Variants in CDIN1 observed in about 807,000 individuals in gnomAD.
The protein encoded by CDIN1 is CDAN1-interacting nuclease 1.
Under a neutral mutation model 45.3 loss-of-function variants are expected in CDIN1, and 33 were observed. The ratio of observed to expected loss-of-function variants is 0.73; its 90% confidence interval spans 0.55 to 0.97. The LOEUF (loss-of-function observed/expected upper bound fraction) is 0.97, where lower values mean the gene tolerates loss of function less well. Among genes scored for constraint, CDIN1 ranks in the 50% least tolerant of loss-of-function variants. The pLI is 0.00. For synonymous variants in CDIN1, 118 were observed against 124.4 expected (o/e 0.95, Z 0.34); for missense variants, 303 against 339.4 (o/e 0.89, Z 0.84).
chr15:36,579,716 G>C lies in CDIN1; in HGVS notation c.-145G>C, dbSNP rs2036946807. The C allele has an allele frequency of 1.6e-6, 1 of 631,786 alleles. No individual in the cohort carries two copies. The highest frequency in any genetic ancestry group is 1.8e-5 in the African/African-American group (1 of 54,422). 39.1% of individuals were successfully genotyped at this position (631,786 alleles called of 1,614,324 possible). Reference sequence around the variant, plus strand: ...GCCCCGCTTTTGCAGCTAGGGGTGTGTTTCAGGGGGGATTGGGGCAAGCCA... The same window carrying C: ...GCCCCGCTTTTGCAGCTAGGGGTGTCTTTCAGGGGGGATTGGGGCAAGCCA... On this transcript the variant is annotated 5_prime_UTR_variant, in exon 1 of 11. Coordinates refer to ENST00000566621, the MANE Select transcript of CDIN1 (RefSeq NM_001321759.2).
At position 36,663,779 on chromosome 15, in the gene CDIN1, T is replaced by C. The variant is rs1405023959; in HGVS notation, c.346+5874T>C. On this transcript the variant is annotated intron_variant, in intron 5 of 10. Transcript: ENST00000566621. ...ACAGAAATAGCTAAATCAACTCTCA[T>C]TTATTTAAAAGTACTTTTAAATAGA... Among the ~76,000 whole-genome samples, 3 of 152,336 alleles carry C rather than the reference T, an allele frequency of 2.0e-5. No homozygotes were observed. In the East Asian group the frequency reaches 5.8e-4, roughly 29 times the overall value.
chr15:36,714,314 A>G, intron 10 of CDIN1, among the ~76,000 whole-genome samples: 1 of 152,178 alleles, frequency 6.6e-6, no homozygotes, highest in East Asian at 1.9e-4. Context: ...ATAAATATGT[A>G]TAATCTTATG....
intron 1 of CDIN1, chr15:36,626,963 G>T: frequency 1.1e-5 from 2 of 185,006 alleles, no homozygotes; most frequent in South Asian, 2.2e-4. Context: ...CTCATCCATG[G>T]ACCACTGGAT....
rs368351837 is a variant in CDIN1, at chr15:36,604,707, A to G, written c.101+24746A>G. Among the ~76,000 whole-genome samples the G allele has an allele frequency of 9.2e-5, 14 of 152,274 alleles. No individual in the cohort carries two copies. In the East Asian group the frequency reaches 1.2e-3, roughly 13 times the overall value. On this transcript the variant is annotated intron_variant, in intron 1 of 10. Transcript: ENST00000566621. ...TTTTTCCCTATTTTGTAAAATTCCA[A>G]TTATGTTTTCAAAAGAATTTATATA...
At chr15:36,745,604 A>G (rs2044391866) in intron 10 of CDIN1, among the ~76,000 whole-genome samples, 1 of 152,158 alleles carries the variant, frequency 6.6e-6, no homozygotes, top group African/African-American at 2.4e-5. Context: ...TGAATATATT[A>G]CTTTTAGATA....
chr15:36,627,635 A>G (rs1203207793), intron 1 of CDIN1: 1 of 152,356 alleles, frequency 6.6e-6, no homozygotes, highest in Non-Finnish European at 1.5e-5. Context: ...GATGAGTGGC[A>G]TGGCCTTGCT....
intron 10 of CDIN1, among the ~76,000 whole-genome samples, chr15:36,792,923 G>A (rs1027595842): frequency 6.6e-6 from 1 of 152,020 alleles, no homozygotes; most frequent in African/African-American, 2.4e-5. Context: ...TTTAAGCTGT[G>A]TCGTGCATGG....
chr15:36,701,902 A>G, intron 8 of CDIN1: 1 of 589,002 alleles, frequency 1.7e-6, no homozygotes, highest in Admixed American at 2.9e-5. Flanking sequence ...GTAAGAAATT[A>G]GGATCTTTGT....
At chr15:36,796,255 A>T (rs2054793162) in intron 10 of CDIN1, among the ~76,000 whole-genome samples, 1 of 152,178 alleles carries the variant, frequency 6.6e-6, no homozygotes, top group Non-Finnish European at 1.5e-5. Flanking sequence ...TTCAGTTGTT[A>T]TGAAGTTTAT....
chr15:36,763,129 T>C lies in CDIN1; in HGVS notation c.717-45195T>C, dbSNP rs192279641. On this transcript the variant is annotated intron_variant, in intron 10 of 10. Transcript: ENST00000566621. ...CATCAACAGTGTAAAAGTATTCCTATTTCTCCACATCCTCTCCAGCACCTG... is the reference window on the plus strand; with the variant it reads ...CATCAACAGTGTAAAAGTATTCCTACTTCTCCACATCCTCTCCAGCACCTG... Among the ~76,000 whole-genome samples the C allele has an allele frequency of 9.4e-4, 143 of 152,352 alleles. 2 individuals are homozygous for C. Among genetic ancestry groups the C allele is most frequent in the Admixed American group, 9.3e-3 (142 of 15,304 alleles).
At chr15:36,743,852 G>A (rs1211686260) in intron 10 of CDIN1, among the ~76,000 whole-genome samples, 2 of 151,686 alleles carry the variant, frequency 1.3e-5, no homozygotes, top group Non-Finnish European at 2.9e-5. Context: ...TCATGCCACT[G>A]CACTCCAGCC....
At chr15:36,592,316 A>G (rs1056871869) in intron 1 of CDIN1, among the ~76,000 whole-genome samples, 1 of 152,134 alleles carries the variant, frequency 6.6e-6, no homozygotes, top group Non-Finnish European at 1.5e-5. Context: ...AAATTCATCC[A>G]CAGTAGGAGT....
At chr15:36,707,275 G>A (rs537136284) in intron 8 of CDIN1, 2 of 152,206 alleles carry the variant, frequency 1.3e-5, no homozygotes, top group African/African-American at 4.8e-5. Context: ...GCTTCATGTT[G>A]AGAGAGAAAG....
At chr15:36,628,647 A>G (rs1001935304) in intron 1 of CDIN1, among the ~76,000 whole-genome samples, 2 of 152,046 alleles carry the variant, frequency 1.3e-5, no homozygotes. Context: ...ATGAGTTGGG[A>G]CTTTGGGGGA....
At chr15:36,581,219 A>C (rs572629265) in intron 1 of CDIN1, among the ~76,000 whole-genome samples, 2 of 152,258 alleles carry the variant, frequency 1.3e-5, no homozygotes, top group South Asian at 4.1e-4. Flanking sequence ...GAATAGGTAG[A>C]TTTTTCTGGG....
In CDIN1 at chr15:36,644,194, G is replaced by A; in HGVS notation, c.102-84G>A. On this transcript the variant is annotated intron_variant, in intron 1 of 10. Transcript: ENST00000566621. ...TGTTCTGTTAGATTACAGGGCAGCAGGCCTACCTTTGAAGCTCCTTTCTCT... is the reference window on the plus strand; with the variant it reads ...TGTTCTGTTAGATTACAGGGCAGCAAGCCTACCTTTGAAGCTCCTTTCTCT... 4.6e-6 allele frequency: 6 copies of A among 1,311,742 alleles called. No individual in the cohort carries two copies. The South Asian group carries it at 6.1e-5, about 13-fold the overall frequency. 81.3% of individuals were successfully genotyped at this position (1,311,742 alleles called of 1,614,324 possible).
intron 5 of CDIN1, among the ~76,000 whole-genome samples, chr15:36,664,940 G>C (rs2041191755): frequency 6.6e-6 from 1 of 152,172 alleles, no homozygotes; most frequent in Admixed American, 6.5e-5. Flanking sequence ...CATGAGGAAA[G>C]TTTTAGTTAA....
intron 10 of CDIN1, 71 bp downstream of exon 10, chr15:36,710,032 GT>G: frequency 8.5e-7 from 1 of 1,170,244 alleles, no homozygotes; most frequent in Non-Finnish European, 1.2e-6. Context: ...AAAATATTTT[GT>G]TTAGCTGGTA....
intron 10 of CDIN1, among the ~76,000 whole-genome samples, chr15:36,763,610 C>A (rs189859100): frequency 1.3e-5 from 2 of 152,270 alleles, no homozygotes; most frequent in South Asian, 4.1e-4. Flanking sequence ...TGTACCCCGC[C>A]ATGTTGTGGT....
Sources: allele counts gnomAD v4.1 joint callset (sites outside exome capture counted in the v4.1 genomes callset), GRCh38; gene constraint gnomAD v4.1.1; transcripts MANE v1.5; gene names NCBI Gene and HGNC (gene_info 2026-07-23, HGNC 2026-07-21).